The following PPEF1 variants were observed in gnomAD, a reference collection of about 807,000 sequenced individuals.
The protein encoded by PPEF1 is serine/threonine-protein phosphatase with EF-hands 1.
A neutral mutation model predicts 53.3 loss-of-function variants in PPEF1; 12 were observed. That is an observed-to-expected ratio of 0.23 (90% CI 0.14 to 0.36). The LOEUF is 0.36. PPEF1 is among the 10% of genes least tolerant of loss of function. The pLI is 1.00. For missense variants in PPEF1, 334 were observed against 490.4 expected (o/e 0.68, Z 3.01); for synonymous variants, 165 against 176.7 (o/e 0.93, Z 0.52).
At chrX:18,695,632 A>G in intron 4 of PPEF1, among the ~76,000 whole-genome samples, 1 of 112,527 alleles carries the variant, frequency 8.9e-6, no homozygotes, top group South Asian at 3.7e-4. Flanking sequence ...CCTTCTGTGA[A>G]GCTTTTTGAT....
chrX:18,690,626 T>C (rs1004465793), intron 3 of PPEF1, among the ~76,000 whole-genome samples: 4 of 112,203 alleles, frequency 3.6e-5, no homozygotes, highest in Non-Finnish European at 7.5e-5. Flanking sequence ...CTACCCGCCT[T>C]GGCCTCCCAA....
At chrX:18,686,826 TG>T (rs1344002262) in intron 3 of PPEF1, among the ~76,000 whole-genome samples, 1 of 109,511 alleles carries the variant, frequency 9.1e-6, no homozygotes, top group Non-Finnish European at 1.9e-5. Flanking sequence ...AGAATGTGTT[TG>T]GCTGCCTGAA....
chrX:18,788,939 C>A (rs926597248), intron 9 of PPEF1, among the ~76,000 whole-genome samples, 182 bp from the exon 10 acceptor site: 1 of 112,563 alleles, frequency 8.9e-6, no homozygotes, highest in Non-Finnish European at 1.9e-5. Context: ...ATGTAACAGA[C>A]CCACTTTACA....
chrX:18,742,847 T>C (rs1325215540), intron 3 of PPEF1, among the ~76,000 whole-genome samples: 9 of 77,652 alleles, frequency 1.2e-4, no homozygotes, highest in African/African-American at 1.6e-4. Flanking sequence ...AGACTCCATC[T>C]CAGAAAAAAA....
intron 8 of PPEF1, among the ~76,000 whole-genome samples, chrX:18,783,127 A>G (rs1360308472): frequency 9.4e-6 from 1 of 105,944 alleles, no homozygotes; most frequent in Admixed American, 1.0e-4. Flanking sequence ...AAAAAAAAAA[A>G]AAGAAGGCAG....
chrX:18,765,540 T>C (rs1569259544), intron 6 of PPEF1, among the ~76,000 whole-genome samples: 1 of 111,733 alleles, frequency 8.9e-6, no homozygotes, highest in Non-Finnish European at 1.9e-5. Flanking sequence ...CTTTTTACTA[T>C]ATGTATGTAT....
intron 1 of PPEF1, among the ~76,000 whole-genome samples, chrX:18,715,542 A>C (rs763987116): frequency 4.5e-5 from 5 of 111,808 alleles, no homozygotes; most frequent in Non-Finnish European, 9.4e-5. Flanking sequence ...TCAAAAAAAA[A>C]AGTAACATCA....
chrX:18,803,482 G>A (rs1474984488), intron 10 of PPEF1, among the ~76,000 whole-genome samples: 3 of 112,434 alleles, frequency 2.7e-5, no homozygotes, highest in African/African-American at 9.7e-5. Flanking sequence ...TTTGAGACAG[G>A]GTCTCTGTCT....
At chrX:18,780,613 A>G (rs1222151821) in intron 7 of PPEF1, among the ~76,000 whole-genome samples, 1 of 111,811 alleles carries the variant, frequency 8.9e-6, no homozygotes, top group Non-Finnish European at 1.9e-5. Context: ...ACGCTCGTCA[A>G]TTAGGAAGTA....
chrX:18,825,856 G>A, intron 15 of PPEF1, 21 bp downstream of exon 15: 2 of 1,096,297 alleles, frequency 1.8e-6, no homozygotes, highest in South Asian at 4.0e-5. Flanking sequence ...GAACTTGGAT[G>A]AGTCCATTTA....
At chrX:18,739,856 T>C (rs937650426) in intron 3 of PPEF1, among the ~76,000 whole-genome samples, 1 of 112,389 alleles carries the variant, frequency 8.9e-6, no homozygotes, top group Non-Finnish European at 1.9e-5. Flanking sequence ...CCCCCACCCT[T>C]GCTGCTGCCT....
At chrX:18,819,536 A>C (rs911406152) in intron 13 of PPEF1, among the ~76,000 whole-genome samples, 4 of 110,534 alleles carry the variant, frequency 3.6e-5, no homozygotes, top group Admixed American at 1.9e-4. Context: ...TACAAAAAAA[A>C]ACAAAAAATT....
At chrX:18,822,146 G>A (rs1011259747) in intron 13 of PPEF1, among the ~76,000 whole-genome samples, 11 of 112,050 alleles carry the variant, frequency 9.8e-5, no homozygotes, top group Non-Finnish European at 1.5e-4. Flanking sequence ...TTACTAGAAG[G>A]TGGGTGCCAC....
At chrX:18,793,976 GTC>G (rs2046376391) in intron 10 of PPEF1, among the ~76,000 whole-genome samples, 1 of 111,692 alleles carries the variant, frequency 9.0e-6, no homozygotes. Flanking sequence ...CTCTTTGACT[GTC>G]TCTTTCCCTG....
chrX:18,733,854 A>G, intron 3 of PPEF1, 46 bp downstream of exon 3: 1 of 1,009,977 alleles, frequency 9.9e-7, no homozygotes, highest in Non-Finnish European at 1.3e-6. Context: ...TAAATATTGA[A>G]TTGTCTTCAT....
chrX:18,763,125 A>G (rs1342453503), intron 6 of PPEF1, among the ~76,000 whole-genome samples: 2 of 111,678 alleles, frequency 1.8e-5, no homozygotes, highest in Admixed American at 9.5e-5. Context: ...TTTCATCTAT[A>G]ACTAAGGTCT....
intron 5 of PPEF1, among the ~76,000 whole-genome samples, chrX:18,759,223 G>T (rs1039916667): frequency 1.8e-5 from 2 of 111,023 alleles, no homozygotes; most frequent in African/African-American, 6.6e-5. Context: ...CAAGGCCAGT[G>T]GGTTTTCTTA....
At chrX:18,713,805 G>T (rs2044381248) in intron 1 of PPEF1, among the ~76,000 whole-genome samples, 1 of 111,614 alleles carries the variant, frequency 9.0e-6, no homozygotes, top group African/African-American at 3.2e-5. Flanking sequence ...CTAAATGTTA[G>T]TTTTTTGTAG....
At chrX:18,810,467 A>C (rs1472059939) in intron 12 of PPEF1, among the ~76,000 whole-genome samples, 1 of 110,887 alleles carries the variant, frequency 9.0e-6, no homozygotes, top group Non-Finnish European at 1.9e-5. Flanking sequence ...CCATTATCTA[A>C]CTTTTGAACA....
Sources: gnomAD v4.1 joint callset for allele counts (sites outside exome capture counted in the v4.1 genomes callset) on GRCh38, gnomAD v4.1.1 for gene constraint, MANE v1.5 for transcripts, NCBI Gene and HGNC (gene_info 2026-07-23, HGNC 2026-07-21) for gene names.